CADPS: variants seen among roughly 807,000 people sequenced by gnomAD.
The protein encoded by CADPS is calcium-dependent secretion activator 1.
CADPS carries 57 observed loss-of-function variants against 167.3 expected under a neutral mutation model. The ratio of observed to expected loss-of-function variants is 0.34; its 90% CI spans 0.28 to 0.42. CADPS has a LOEUF of 0.42. CADPS is among the 20% of genes least tolerant of loss of function. CADPS has a pLI of 1.00. For synonymous variants in CADPS, 676 were observed against 635.3 expected (o/e 1.06, Z -0.96); for missense variants, 1,414 against 1,738.1 (o/e 0.81, Z 3.32).
intron 3 of CADPS, among the ~76,000 whole-genome samples, chr3:62,705,839 G>C (rs13088993): frequency 0.079 from 12,081 of 152,138 alleles, 628 homozygotes; most frequent in Non-Finnish European, 0.12. Context: ...TGTCCCTCTA[G>C]AGAACACTGA....
intron 6 of CADPS, among the ~76,000 whole-genome samples, chr3:62,618,812 A>C (rs2062729956): frequency 6.6e-6 from 1 of 152,130 alleles, no homozygotes; most frequent in Non-Finnish European, 1.5e-5. Context: ...TGAAAACTAA[A>C]ATTTCCTTTA....
intron 18 of CADPS, among the ~76,000 whole-genome samples, chr3:62,496,275 T>C (rs1333454695): frequency 6.6e-6 from 1 of 152,036 alleles, no homozygotes; most frequent in Non-Finnish European, 1.5e-5. Flanking sequence ...CTTTTAAAAA[T>C]TACCCATGCT....
At chr3:62,655,127 G>C (rs2071224896) in intron 4 of CADPS, among the ~76,000 whole-genome samples, 2 of 152,096 alleles carry the variant, frequency 1.3e-5, no homozygotes, top group East Asian at 3.9e-4. Flanking sequence ...ATAAAAAGAG[G>C]CTCATAAAAA....
At position 62,478,232 on chromosome 3, in the gene CADPS, G is replaced by A; in HGVS notation, c.3329+29C>T. The A allele has an allele frequency of 6.2e-7, 1 of 1,611,920 alleles. No homozygotes were observed. On this transcript the variant is annotated intron_variant, in intron 23 of 29. Transcript: ENST00000383710. The surrounding 1 kb of genome is among the most constrained non-coding windows in gnomAD (Gnocchi z 5.7). ...AGTCTGTGTATGGTGGGGAGGGTGT[G>A]CAGAACCTGTCCAGCCACCTATACT...
intron 22 of CADPS, among the ~76,000 whole-genome samples, chr3:62,481,231 A>G (rs1560995625): frequency 1.3e-5 from 2 of 152,192 alleles, no homozygotes; most frequent in African/African-American, 2.4e-5. Context: ...TACTGTTACT[A>G]TATCCTGCCA....
At chr3:62,784,353 C>G (rs2092161900) in intron 1 of CADPS, among the ~76,000 whole-genome samples, 1 of 152,004 alleles carries the variant, frequency 6.6e-6, no homozygotes, top group South Asian at 2.1e-4. Flanking sequence ...TTGTGCATAC[C>G]ATATGAATTG....
chr3:62,463,536 T>C (rs1186259409), intron 26 of CADPS, among the ~76,000 whole-genome samples: 2 of 152,198 alleles, frequency 1.3e-5, no homozygotes, highest in African/African-American at 2.4e-5. Context: ...TCTTCCCCAC[T>C]CATTTGCCCA....
At chr3:62,579,253 T>A (rs2152513849) in intron 8 of CADPS, among the ~76,000 whole-genome samples, 1 of 152,346 alleles carries the variant, frequency 6.6e-6, no homozygotes, top group South Asian at 2.1e-4. Context: ...ATGCTTACTC[T>A]GACTTGGGCA....
chr3:62,807,528 C>G (rs2094164565), intron 1 of CADPS, among the ~76,000 whole-genome samples: 1 of 152,072 alleles, frequency 6.6e-6, no homozygotes, highest in South Asian at 2.1e-4. Flanking sequence ...TCCCAAAGTG[C>G]TGGGATTACA....
At position 62,433,612 on chromosome 3, in the gene CADPS, G is replaced by A. The variant is rs556570027; in HGVS notation, c.3777+4492C>T. ...CACGGGGCCTGAAGAAAGCCAGTGC[G>A]GATGCGGCATTACTACCAATGTGGA... On this transcript the variant is annotated intron_variant, in intron 28 of 29. Coordinates refer to ENST00000383710, the MANE Select transcript of CADPS (RefSeq NM_003716.4). This position sits in a 1 kb window ranked among gnomAD's most constrained non-coding sequence, Gnocchi z 4.7. Among the ~76,000 whole-genome samples the A allele has an allele frequency of 7.2e-5, 11 of 152,246 alleles. No homozygotes were observed. The highest frequency in any genetic ancestry group is 1.4e-4 in the African/African-American group (6 of 41,550).
At chr3:62,726,022 C>T (rs574163219) in intron 3 of CADPS, among the ~76,000 whole-genome samples, 2 of 151,898 alleles carry the variant, frequency 1.3e-5, no homozygotes, top group South Asian at 4.2e-4. Context: ...TCCCTGACCA[C>T]TGAGAAGGGA....
intron 6 of CADPS, among the ~76,000 whole-genome samples, chr3:62,610,666 G>A (rs1008192245): frequency 3.3e-5 from 5 of 152,180 alleles, no homozygotes; most frequent in Middle Eastern, 3.2e-3. Flanking sequence ...CTCCATGATG[G>A]ACTTGCTTGT....
intron 8 of CADPS, among the ~76,000 whole-genome samples, chr3:62,575,623 C>T (rs1471788466): frequency 6.6e-6 from 1 of 152,152 alleles, no homozygotes. Flanking sequence ...AAGTAACTTT[C>T]CTAGGTTCCA....
intron 16 of CADPS, among the ~76,000 whole-genome samples, chr3:62,513,345 G>T (rs887635637): frequency 1.3e-5 from 2 of 151,860 alleles, no homozygotes; most frequent in Non-Finnish European, 2.9e-5. Context: ...TACAAATTAG[G>T]GTTACACACA....
At chr3:62,634,580 T>C (rs538586568) in intron 6 of CADPS, among the ~76,000 whole-genome samples, 1 of 152,212 alleles carries the variant, frequency 6.6e-6, no homozygotes, top group Non-Finnish European at 1.5e-5. Context: ...GTATGATGAT[T>C]ATCTATGTGT....
chr3:62,828,681 T>A (rs1043953067), intron 1 of CADPS, among the ~76,000 whole-genome samples: 3 of 152,186 alleles, frequency 2.0e-5, no homozygotes, highest in South Asian at 2.1e-4. Context: ...AAAAAAAGCA[T>A]ACTTATTTAA....
chr3:62,852,599 A>G (rs1323391344), intron 1 of CADPS, among the ~76,000 whole-genome samples: 1 of 151,298 alleles, frequency 6.6e-6, no homozygotes, highest in Non-Finnish European at 1.5e-5. Flanking sequence ...GACTTATCAA[A>G]AAAAGAAAAA....
intron 1 of CADPS, among the ~76,000 whole-genome samples, chr3:62,872,984 T>G (rs901567768): frequency 3.9e-5 from 6 of 152,222 alleles, no homozygotes; most frequent in African/African-American, 1.4e-4. Flanking sequence ...TTAGGCCCCG[T>G]GGACTCAACA....
chr3:62,580,767 A>G (rs189572023), intron 8 of CADPS, among the ~76,000 whole-genome samples: 10 of 152,298 alleles, frequency 6.6e-5, no homozygotes, highest in Admixed American at 6.5e-4. Flanking sequence ...GCTTAAAGTA[A>G]TGAATCTATA....
Sources: gnomAD v4.1 joint callset for allele counts (sites outside exome capture counted in the v4.1 genomes callset) on GRCh38, gnomAD v4.1.1 for gene constraint, Gnocchi (gnomAD v3.1) non-coding constraint, MANE v1.5 for transcripts, NCBI Gene and HGNC (gene_info 2026-07-23, HGNC 2026-07-21) for gene names.